The following PGM5 variants were observed in gnomAD, a reference collection of about 807,000 sequenced individuals.
PGM5 encodes the protein phosphoglucomutase-like protein 5.
PGM5 carries 23 observed loss-of-function variants against 59.2 expected under a neutral mutation model. That is an observed-to-expected ratio of 0.39 (90% CI 0.28 to 0.55). The LOEUF (loss-of-function observed/expected upper bound fraction) is 0.55. Among genes scored for constraint, PGM5 ranks in the 20% least tolerant of loss-of-function variants. PGM5 has a pLI of 0.66. For synonymous variants in PGM5, 214 were observed against 286.0 expected, an observed-to-expected ratio of 0.75 and a Z score of 2.54; for missense variants, 574 against 748.3, an observed-to-expected ratio of 0.77 and a Z score of 2.72.
intron 6 of PGM5, among the ~76,000 whole-genome samples, chr9:68,410,433 A>C (rs1822908025): frequency 6.6e-6 from 1 of 152,154 alleles, no homozygotes; most frequent in South Asian, 2.1e-4. Context: ...AGAATATTGC[A>C]GTCTTCAAAG....
chr9:68,430,125 T>C (rs1216671898), intron 6 of PGM5, among the ~76,000 whole-genome samples: 1 of 152,232 alleles, frequency 6.6e-6, no homozygotes, highest in Non-Finnish European at 1.5e-5. Flanking sequence ...ATAAACATAA[T>C]TGAAATAGCT....
chr9:68,454,289 G>GC (rs1234583984), intron 6 of PGM5, among the ~76,000 whole-genome samples: 2 of 152,192 alleles, frequency 1.3e-5, no homozygotes, highest in African/African-American at 2.4e-5. Flanking sequence ...GACGCTGGTA[G>GC]CCCTGATGTT....
intron 7 of PGM5, chr9:68,466,260 G>A (rs570161212): frequency 3.4e-4 from 342 of 991,764 alleles, no homozygotes; most frequent in African/African-American, 1.3e-3. Flanking sequence ...CTTCTTCTCC[G>A]ATACTGTGTG....
intron 6 of PGM5, among the ~76,000 whole-genome samples, chr9:68,419,443 A>G (rs1169527551): frequency 6.6e-6 from 1 of 152,206 alleles, no homozygotes. Context: ...AAAGAAGGGC[A>G]TCCTGGTTGG....
intron 1 of PGM5, among the ~76,000 whole-genome samples, chr9:68,376,167 C>T (rs1821876043): frequency 6.6e-6 from 1 of 152,140 alleles, no homozygotes; most frequent in Non-Finnish European, 1.5e-5. Context: ...ACCATTTGGG[C>T]TGCTCAGCCC....
intron 6 of PGM5, among the ~76,000 whole-genome samples, chr9:68,440,530 G>A (rs1271680460): frequency 6.6e-6 from 1 of 152,090 alleles, no homozygotes; most frequent in Non-Finnish European, 1.5e-5. Context: ...TCCTTTATTT[G>A]GCTGAAGAAG....
At chr9:68,493,988 G>A (rs983966952) in intron 9 of PGM5, among the ~76,000 whole-genome samples, 8 of 152,116 alleles carry the variant, frequency 5.3e-5, no homozygotes, top group Non-Finnish European at 1.2e-4. Flanking sequence ...CACAACCACA[G>A]GCACTGAAAA....
intron 6 of PGM5, among the ~76,000 whole-genome samples, chr9:68,421,958 TGAA>T (rs1313115321): frequency 6.6e-6 from 1 of 151,826 alleles, no homozygotes; most frequent in East Asian, 1.9e-4. Flanking sequence ...ATATAAAAAA[TGAA>T]GAGAAAAAAG....
At chr9:68,386,249 T>C (rs117902499) in intron 3 of PGM5, among the ~76,000 whole-genome samples, 19,079 of 152,020 alleles carry the variant, frequency 0.13, 1,250 homozygotes, top group Middle Eastern at 0.24. Context: ...TTTATGGTGG[T>C]AAAATATACA....
At chr9:68,510,088 T>G (rs1463253436) in intron 10 of PGM5, among the ~76,000 whole-genome samples, 3 of 152,042 alleles carry the variant, frequency 2.0e-5, no homozygotes, top group Non-Finnish European at 4.4e-5. Context: ...TTTTGTTTTT[T>G]TCACATACCA....
chr9:68,393,769 AC>A (rs1368680946), intron 6 of PGM5: 77 of 152,290 alleles, frequency 5.1e-4, no homozygotes, highest in African/African-American at 1.8e-3. Context: ...CTAAATATTT[AC>A]CCAAAAATAA....
At chr9:68,526,543 G>T (rs1014811618) in intron 10 of PGM5, among the ~76,000 whole-genome samples, 7 of 152,182 alleles carry the variant, frequency 4.6e-5, no homozygotes, top group African/African-American at 1.7e-4. Context: ...GCATTTGCCA[G>T]TATTTTGATT....
At chr9:68,443,118 G>A (rs1823554695) in intron 6 of PGM5, among the ~76,000 whole-genome samples, 1 of 152,120 alleles carries the variant, frequency 6.6e-6, no homozygotes, top group Non-Finnish European at 1.5e-5. Context: ...CCCCAAAATG[G>A]AAACAACTCA....
At chr9:68,458,832 G>C (rs1823817024) in intron 6 of PGM5, among the ~76,000 whole-genome samples, 1 of 152,164 alleles carries the variant, frequency 6.6e-6, no homozygotes, top group Non-Finnish European at 1.5e-5. Context: ...GGGTTTAAGA[G>C]TAGATTTTAA....
chr9:68,400,042 A>G (rs1554680441), intron 6 of PGM5, among the ~76,000 whole-genome samples: 1 of 151,820 alleles, frequency 6.6e-6, no homozygotes, highest in African/African-American at 2.4e-5. Flanking sequence ...TTCCTTTTCT[A>G]CTTTATGTTC....
chr9:68,401,017 G>C (rs1229694751), intron 6 of PGM5, among the ~76,000 whole-genome samples: 1 of 151,960 alleles, frequency 6.6e-6, no homozygotes, highest in Non-Finnish European at 1.5e-5. Context: ...TGCTGAGACT[G>C]GTTCAAGTCT....
chr9:68,468,209 T>C (rs1554685999), intron 7 of PGM5, among the ~76,000 whole-genome samples: 1 of 152,130 alleles, frequency 6.6e-6, no homozygotes, highest in East Asian at 1.9e-4. Context: ...AGACCCGGTG[T>C]CTGTTGTTTC....
intron 6 of PGM5, among the ~76,000 whole-genome samples, chr9:68,404,741 A>G (rs1398556480): frequency 2.6e-5 from 4 of 152,158 alleles, no homozygotes; most frequent in Admixed American, 6.5e-5. Flanking sequence ...GGCATGAGGG[A>G]AAACTCCTTG....
intron 6 of PGM5, chr9:68,396,900 C>T (rs1382265078): frequency 6.6e-6 from 1 of 152,230 alleles, no homozygotes; most frequent in African/African-American, 2.4e-5. Flanking sequence ...CATTAAATGA[C>T]ACACTTGCCT....
Sources: gnomAD v4.1 joint callset for allele counts (sites outside exome capture counted in the v4.1 genomes callset) on GRCh38, gnomAD v4.1.1 for gene constraint, MANE v1.5 for transcripts, NCBI Gene and HGNC (gene_info 2026-07-23, HGNC 2026-07-21) for gene names.